Variants in SYNPR observed in about 807,000 individuals in gnomAD.
The protein encoded by SYNPR is synaptoporin.
In SYNPR, 23 loss-of-function variants were observed where a neutral mutation model predicts 32.9. The ratio of observed to expected loss-of-function variants is 0.70; its 90% CI spans 0.50 to 0.99. SYNPR has a LOEUF of 0.99. Ranked by LOEUF, SYNPR falls within the 50% of genes least tolerant of loss-of-function variation. SYNPR has a pLI of 0.00. For synonymous variants in SYNPR, 146 were observed against 135.9 expected (o/e 1.07, Z -0.52); for missense variants, 318 against 349.3 (o/e 0.91, Z 0.71).
rs186045408 is a variant in SYNPR, at chr3:63,515,787, A to G, written c.209+34831A>G. Among the ~76,000 whole-genome samples, 225 of 152,228 alleles carry G rather than the reference A, an allele frequency of 1.5e-3. 2 individuals carry two copies. The highest frequency in any genetic ancestry group is 5.2e-3 in the African/African-American group (215 of 41,556). ...CATGTTGTGTGTTTCTACCTTCCAA[A>G]TTTGTTTGTATGTGTATATATACTA... On this transcript the variant is annotated intron_variant, in intron 3 of 5. Coordinates refer to ENST00000478300, the MANE Select transcript of SYNPR (RefSeq NM_001130003.2).
chr3:63,455,759 G>A (rs899365156), intron 2 of SYNPR, among the ~76,000 whole-genome samples: 3 of 147,440 alleles, frequency 2.0e-5, no homozygotes, highest in South Asian at 2.1e-4. Flanking sequence ...TGTTTGGGGT[G>A]TGTGTGTGTG....
intron 2 of SYNPR, among the ~76,000 whole-genome samples, chr3:63,401,164 A>C (rs1417277461): frequency 6.6e-6 from 1 of 152,128 alleles, no homozygotes; most frequent in East Asian, 1.9e-4. Flanking sequence ...GCATTCATGT[A>C]CTCATAAAGG....
chr3:63,555,018 C>T (rs534645950), intron 3 of SYNPR, among the ~76,000 whole-genome samples: 29 of 152,046 alleles, frequency 1.9e-4, no homozygotes, highest in Non-Finnish European at 4.0e-4. Context: ...TCAGCCTGGA[C>T]ATTATTGGTG....
chr3:63,594,060 T>C (rs1699891485), intron 4 of SYNPR, among the ~76,000 whole-genome samples: 1 of 152,200 alleles, frequency 6.6e-6, no homozygotes, highest in African/African-American at 2.4e-5. Context: ...CTCTATTTAC[T>C]TAACTTCTCT....
intron 2 of SYNPR, among the ~76,000 whole-genome samples, chr3:63,339,477 C>G (rs539875352): frequency 6.6e-6 from 1 of 152,292 alleles, no homozygotes; most frequent in South Asian, 2.1e-4. Flanking sequence ...TATAGTATAA[C>G]ATTACAACCA....
At chr3:63,608,642 T>C (rs989936402) in intron 4 of SYNPR, among the ~76,000 whole-genome samples, 10 of 152,210 alleles carry the variant, frequency 6.6e-5, no homozygotes, top group Admixed American at 5.2e-4. Flanking sequence ...CAAAGAATCT[T>C]AAACCATTAG....
Position 63,609,123 on chromosome 3 carries a change from A to T in SYNPR, c.409-2A>T. 6.3e-7 allele frequency: 1 copy of T among 1,599,684 alleles called. No homozygotes were observed. The highest frequency in any genetic ancestry group is 1.3e-5 in the African/African-American group (1 of 74,754). On this transcript the variant is annotated splice_acceptor_variant, in intron 4 of 5. Transcript: ENST00000478300. LOFTEE classifies it high-confidence loss of function. ...ATTTTCTATTCTGATTTGTTTCTGT[A>T]GGACTTCATTGTCACTGTAGTCTTT...
chr3:63,450,919 A>G (rs1700368331), intron 2 of SYNPR, among the ~76,000 whole-genome samples: 1 of 152,158 alleles, frequency 6.6e-6, no homozygotes, highest in Admixed American at 6.5e-5. Context: ...TTTCAAGTAT[A>G]TTGCTCTGGC....
chr3:63,581,618 G>C (rs1703093894), intron 4 of SYNPR, among the ~76,000 whole-genome samples: 1 of 152,052 alleles, frequency 6.6e-6, no homozygotes, highest in South Asian at 2.1e-4. Context: ...CCCACAGTGA[G>C]AGCTCTTTCT....
At chr3:63,441,730 G>A (rs1700180186) in intron 2 of SYNPR, among the ~76,000 whole-genome samples, 1 of 152,138 alleles carries the variant, frequency 6.6e-6, no homozygotes, top group African/African-American at 2.4e-5. Context: ...ATTTCAAAGG[G>A]GCCATGGGGC....
intron 2 of SYNPR, among the ~76,000 whole-genome samples, chr3:63,449,679 C>T (rs1162419932): frequency 1.3e-5 from 2 of 152,172 alleles, no homozygotes; most frequent in Admixed American, 6.5e-5. Flanking sequence ...CACAGTTTAC[C>T]CTAGGGTTTT....
At chr3:63,477,955 C>A (rs1700963701) in intron 2 of SYNPR, among the ~76,000 whole-genome samples, 1 of 152,194 alleles carries the variant, frequency 6.6e-6, no homozygotes, top group African/African-American at 2.4e-5. Context: ...CTAAGTCATG[C>A]AGGCCTGGAT....
chr3:63,386,886 G>A (rs1575619475), intron 2 of SYNPR, among the ~76,000 whole-genome samples: 1 of 152,208 alleles, frequency 6.6e-6, no homozygotes, highest in Non-Finnish European at 1.5e-5. Flanking sequence ...TCAGAGGAAA[G>A]CCTCACCAAG....
chr3:63,511,478 T>C (rs1371236416), intron 3 of SYNPR, among the ~76,000 whole-genome samples: 1 of 152,196 alleles, frequency 6.6e-6, no homozygotes, highest in Non-Finnish European at 1.5e-5. Flanking sequence ...CATTTGTTTC[T>C]ACTTCTTTTC....
chr3:63,596,773 G>T (rs112103353), intron 4 of SYNPR, among the ~76,000 whole-genome samples: 7 of 152,112 alleles, frequency 4.6e-5, no homozygotes, highest in Non-Finnish European at 1.0e-4. Flanking sequence ...AGAAAGTGTG[G>T]CATTAATGAA....
intron 2 of SYNPR, among the ~76,000 whole-genome samples, chr3:63,291,760 G>A (rs760499363): frequency 4.6e-5 from 7 of 152,130 alleles, no homozygotes; most frequent in Admixed American, 2.6e-4. Flanking sequence ...CAGCTATTCT[G>A]GGGGAAAAGG....
At chr3:63,438,267 C>T (rs1242711152) in intron 2 of SYNPR, among the ~76,000 whole-genome samples, 1 of 152,172 alleles carries the variant, frequency 6.6e-6, no homozygotes, top group Non-Finnish European at 1.5e-5. Flanking sequence ...TCCTAATTTT[C>T]TCAATCTTCT....
intron 2 of SYNPR, among the ~76,000 whole-genome samples, chr3:63,479,584 C>T (rs1325773866): frequency 6.6e-6 from 1 of 152,064 alleles, no homozygotes; most frequent in African/African-American, 2.4e-5. Context: ...AATTCTGAGG[C>T]TTTTTTTCTA....
At chr3:63,259,431 A>G (rs894352744) in intron 2 of SYNPR, among the ~76,000 whole-genome samples, 1 of 152,204 alleles carries the variant, frequency 6.6e-6, no homozygotes, top group Non-Finnish European at 1.5e-5. Flanking sequence ...ACACGAATCA[A>G]TAACAGTAAT....
Sources: allele counts gnomAD v4.1 joint callset (sites outside exome capture counted in the v4.1 genomes callset), GRCh38; gene constraint gnomAD v4.1.1; transcripts MANE v1.5; gene names NCBI Gene and HGNC (gene_info 2026-07-23, HGNC 2026-07-21).